Variants in HTT observed in about 807,000 individuals in gnomAD.
The protein encoded by HTT is huntingtin.
In HTT, 104 loss-of-function variants were observed where a neutral mutation model predicts 362.3. The observed-to-expected ratio is 0.29, with a 90% CI of 0.24 to 0.34. The LOEUF (loss-of-function observed/expected upper bound fraction) is 0.34, where lower values mean the gene tolerates loss of function less well. HTT is among the 10% of genes least tolerant of loss of function. The probability of loss-of-function intolerance (pLI) is 1.00; values close to 1 mark genes in which losing one functional copy is unlikely to be tolerated. For synonymous variants in HTT, 1,577 were observed against 1,548.7 expected (o/e 1.02, Z -0.43); for missense variants, 3,301 against 3,928.6 (o/e 0.84, Z 4.27).
Position 3,209,953 on chromosome 4 carries a change from C to T in HTT, c.6414+4C>T, listed in dbSNP as rs757492225. On this transcript the variant is annotated splice_donor_region_variant and intron_variant, in intron 47 of 66. Coordinates refer to ENST00000355072, the MANE Select transcript of HTT (RefSeq NM_001388492.1). The stretch of plus-strand genomic sequence containing the variant: ...GAATGCCTTCATGATGAACTCGGTA[C>T]GGGGGGAGCAGTGGAGGCAAGGAAT... The T allele has an allele frequency of 6.9e-5, 112 of 1,613,024 alleles. 1 individual carries two copies. The highest frequency in any genetic ancestry group is 5.0e-4 in the Admixed American group (30 of 59,960).
At position 3,131,735 on chromosome 4, in the gene HTT, C is replaced by T; in HGVS notation, c.2196C>T (p.Ser732=). The T allele has an allele frequency of 1.9e-6, 3 of 1,614,054 alleles. No individual in the cohort carries two copies. The highest frequency in any genetic ancestry group is 2.5e-6 in the Non-Finnish European group (3 of 1,179,956). The change falls in exon 16 of 67, where the codon AGC becomes AGT. Residue 732 remains serine, a synonymous_variant. Transcript: ENST00000355072. ...CCCTCCACCCGGAATCTTTCTTCAG[C>T]AAACTCTATAAAGTTCCTCTTGACA... ...AVALHPESFF[S]KLYKVPLDTT... is the part of the protein sequence containing the mutation.
intron 41 of HTT, among the ~76,000 whole-genome samples, chr4:3,201,676 G>A (rs1174914146): frequency 2.6e-5 from 4 of 152,030 alleles, no homozygotes; most frequent in Non-Finnish European, 4.4e-5. Context: ...AGGTGTCCCC[G>A]TGGTGGAAGG....
chr4:3,085,144 ATT>A (rs949733991), intron 1 of HTT, among the ~76,000 whole-genome samples: 1 of 145,786 alleles, frequency 6.9e-6, no homozygotes. Context: ...GATTGTTTTA[ATT>A]TTTTTTTTTT....
intron 35 of HTT, among the ~76,000 whole-genome samples, chr4:3,179,207 G>A (rs1296347178): frequency 1.3e-5 from 2 of 152,158 alleles, no homozygotes; most frequent in Non-Finnish European, 2.9e-5. Flanking sequence ...GTGTTGCGAG[G>A]CAGGGCCTTG....
intron 53 of HTT, among the ~76,000 whole-genome samples, chr4:3,221,105 T>C (rs1240184270): frequency 6.6e-6 from 1 of 152,208 alleles, no homozygotes; most frequent in Non-Finnish European, 1.5e-5. Flanking sequence ...GGAATGTTCC[T>C]GTCTTGTCCT....
At chr4:3,174,856 C>CTGGAT in intron 32 of HTT, 57 bp downstream of exon 32, 1 of 1,573,604 alleles carries the variant, frequency 6.4e-7, no homozygotes, top group East Asian at 2.2e-5. Context: ...AGAGAGGAAA[C>CTGGAT]TGGAGCTGAG....
chr4:3,087,374 T>A (rs1359181670), intron 2 of HTT, among the ~76,000 whole-genome samples: 5 of 152,216 alleles, frequency 3.3e-5, no homozygotes, highest in Non-Finnish European at 5.9e-5. Context: ...GACAGTTCAG[T>A]TTGTCTCTCT....
rs779746400 is a variant in HTT, at chr4:3,130,319, C to T, written c.1882C>T (p.His628Tyr). ...RNSSMALQQAHLLKNMSHCRQ... is the reference protein window; with the variant it reads ...RNSSMALQQAYLLKNMSHCRQ... ...TGTTTTTAAAGCCCTTCAACAGGCA[C>T]ATTTATTGAAAAACATGAGTCACTG... Residue 628 changes from histidine to tyrosine, a missense_variant, in exon 14 of 67, where the codon CAT becomes TAT. Coordinates refer to ENST00000355072, the MANE Select transcript of HTT (RefSeq NM_001388492.1). The T allele has an allele frequency of 3.2e-6, 5 of 1,583,628 alleles. No homozygotes were observed. Among genetic ancestry groups the T allele is most frequent in the Middle Eastern group, 1.7e-4 (1 of 5,960 alleles).
At chr4:3,148,808 T>G (rs2110206491) in intron 26 of HTT, among the ~76,000 whole-genome samples, 1 of 147,648 alleles carries the variant, frequency 6.8e-6, no homozygotes, top group Non-Finnish European at 1.5e-5. Context: ...AAAAAAAAAA[T>G]TAGATGGGCA....
At chr4:3,153,237 C>T (rs979915349) in intron 26 of HTT, among the ~76,000 whole-genome samples, 1 of 152,062 alleles carries the variant, frequency 6.6e-6, no homozygotes, top group African/African-American at 2.4e-5. Flanking sequence ...CATGAGGGGT[C>T]TGCCCTCATG....
At chr4:3,124,002 A>G (rs1578517056) in intron 10 of HTT, among the ~76,000 whole-genome samples, 2 of 152,350 alleles carry the variant, frequency 1.3e-5, no homozygotes. Context: ...TATTTGCAGT[A>G]TTAAATGGGA....
chr4:3,235,122 C>T (rs909646050), intron 61 of HTT, among the ~76,000 whole-genome samples, 162 bp from the exon 62 acceptor site: 1 of 152,104 alleles, frequency 6.6e-6, no homozygotes, highest in East Asian at 1.9e-4. Flanking sequence ...GCTGAAGGGT[C>T]AGGCCAGGTT....
At position 3,132,834 on chromosome 4, in the gene HTT, G is replaced by A. The variant is rs374344267; in HGVS notation, c.2416G>A (p.Asp806Asn). 2 of 1,614,002 alleles carry A rather than the reference G, an allele frequency of 1.2e-6. No homozygotes were observed. The highest frequency in any genetic ancestry group is 1.7e-6 in the Non-Finnish European group (2 of 1,179,972). Reference protein sequence around the residue: ...TLTGNTFSLADCIPLLRKTLK... With the variant: ...TLTGNTFSLANCIPLLRKTLK... ...GTTAGGAAATACATTTTCTTTGGCG[G>A]ATTGCATTCCTTTGCTGCGGAAAAC... The change falls in exon 18 of 67, where the codon GAT becomes AAT. Residue 806 changes from aspartate to asparagine, a missense_variant. Asp to Asn is a conservative substitution (Grantham distance 23). Coordinates refer to ENST00000355072, the MANE Select transcript of HTT (RefSeq NM_001388492.1).
Position 3,182,311 on chromosome 4 carries a change from C to T in HTT, c.4750-43C>T, listed in dbSNP as rs570727398. The T allele has an allele frequency of 3.2e-5, 40 of 1,263,372 alleles. No individual in the cohort carries two copies. In the South Asian group the frequency reaches 3.5e-4, roughly 11 times the overall value. The allele number at this position is 1,263,372 out of a possible 1,614,324, so 78.3% of individuals were successfully genotyped here. ...AGACGGACACGTAGGGGTGGAAAGG[C>T]GTCTCTTGGCAGCAGACTTTCTAAT... On this transcript the variant is annotated intron_variant, in intron 36 of 66. Coordinates refer to ENST00000355072, the MANE Select transcript of HTT (RefSeq NM_001388492.1).
At chr4:3,171,779 T>C (rs1717989660) in intron 29 of HTT, among the ~76,000 whole-genome samples, 1 of 152,220 alleles carries the variant, frequency 6.6e-6, no homozygotes, top group Non-Finnish European at 1.5e-5. Flanking sequence ...TCCCAGCCCC[T>C]TCTTGATTCT....
chr4:3,153,328 A>G (rs938364389), intron 26 of HTT, among the ~76,000 whole-genome samples: 2 of 152,304 alleles, frequency 1.3e-5, no homozygotes, highest in African/African-American at 2.4e-5. Flanking sequence ...TTGGGGGACT[A>G]TAGACATTGA....
At chr4:3,132,749 T>C in intron 17 of HTT, 29 bp downstream of exon 17, 2 of 1,613,916 alleles carry the variant, frequency 1.2e-6, no homozygotes, top group East Asian at 4.5e-5. Flanking sequence ...GCTGTGTTTT[T>C]TCTAGTTATG....
chr4:3,132,615 G>T lies in HTT; in HGVS notation c.2290G>T (p.Val764Phe). The T allele has an allele frequency of 6.2e-7, 1 of 1,613,926 alleles. No homozygotes were observed. Among genetic ancestry groups the T allele is most frequent in the Non-Finnish European group, 8.5e-7 (1 of 1,179,842 alleles). Residue 764 changes from valine (V) to phenylalanine (F), a missense_variant, in exon 17 of 67, where the codon GTT (valine) becomes TTT (phenylalanine). Around this residue, in one of 4 missense-constraint regions of HTT, gnomAD observed 2,316 missense variants for 2,658.5 expected, o/e 0.87. Coordinates refer to ENST00000355072, the MANE Select transcript of HTT (RefSeq NM_001388492.1). ...LNYIDHGDPQ[V>F]RGATAILCGT... Reference sequence around the variant, plus strand: ...CTACATCGATCATGGAGACCCACAGGTTCGAGGAGCCACTGCCATTCTCTG... The same window carrying T: ...CTACATCGATCATGGAGACCCACAGTTTCGAGGAGCCACTGCCATTCTCTG...
intron 45 of HTT, among the ~76,000 whole-genome samples, chr4:3,208,042 AAC>A (rs1296749940): frequency 2.6e-5 from 4 of 152,154 alleles, no homozygotes; most frequent in African/African-American, 9.7e-5. Flanking sequence ...AAAAAGGAAA[AAC>A]ACACAAAAAT....
Sources: gnomAD v4.1 joint callset for allele counts (sites outside exome capture counted in the v4.1 genomes callset) on GRCh38, gnomAD v4.1.1 for gene constraint, gnomAD v4.1.1 regional missense constraint, MANE v1.5 for transcripts, NCBI Gene and HGNC (gene_info 2026-07-23, HGNC 2026-07-21) for gene names.